TM9SF4: variants seen among roughly 807,000 people sequenced by gnomAD.
The protein encoded by TM9SF4 is transmembrane 9 superfamily member 4.
Under a neutral mutation model 90.4 loss-of-function variants are expected in TM9SF4, and 26 were observed. That is an observed-to-expected ratio of 0.29 (90% CI 0.21 to 0.40). The LOEUF (loss-of-function observed/expected upper bound fraction) is 0.40. Among genes scored for constraint, TM9SF4 ranks in the 10% least tolerant of loss-of-function variants. The probability of loss-of-function intolerance (pLI) is 1.00; values close to 1 mark genes in which losing one functional copy is unlikely to be tolerated. For synonymous variants in TM9SF4, 293 were observed against 315.4 expected (o/e 0.93, Z 0.75); for missense variants, 549 against 834.8 (o/e 0.66, Z 4.22).
intron 6 of TM9SF4, 126 bp downstream of exon 6, chr20:32,143,231 A>G: frequency 8.3e-7 from 1 of 1,201,680 alleles, no homozygotes; most frequent in Admixed American, 2.5e-5. Context: ...GGGCCCAGCC[A>G]AGGTAGGATC....
intron 4 of TM9SF4, 36 bp downstream of exon 4, chr20:32,141,701 A>T (rs776922937): frequency 1.9e-6 from 3 of 1,613,468 alleles, no homozygotes; most frequent in Middle Eastern, 1.6e-4. Context: ...CCTCAGGCTC[A>T]CACAGGGGAG....
intron 15 of TM9SF4, 39 bp from the exon 16 acceptor site, chr20:32,159,953 G>A (rs200784972): frequency 1.2e-6 from 2 of 1,613,604 alleles, no homozygotes; most frequent in East Asian, 4.5e-5. Context: ...AGGGGAGCAG[G>A]GTGGTCAAGC....
intron 17 of TM9SF4, among the ~76,000 whole-genome samples, chr20:32,161,592 TG>T (rs2047020058): frequency 6.6e-6 from 1 of 152,158 alleles, no homozygotes; most frequent in African/African-American, 2.4e-5. Context: ...TACGTGACAA[TG>T]TGAATAATGC....
intron 12 of TM9SF4, among the ~76,000 whole-genome samples, chr20:32,154,652 C>T (rs1397415311): frequency 6.6e-6 from 1 of 152,072 alleles, no homozygotes; most frequent in African/African-American, 2.4e-5. Context: ...GGAGTTTCGC[C>T]ATGTGGGCCA....
chr20:32,112,453 T>G (rs2046157222), intron 1 of TM9SF4, among the ~76,000 whole-genome samples: 1 of 151,852 alleles, frequency 6.6e-6, no homozygotes, highest in Non-Finnish European at 1.5e-5. Flanking sequence ...CTCAGAATTT[T>G]GGGAGGCTGA....
At chr20:32,150,582 C>G in intron 10 of TM9SF4, 40 bp from the exon 11 acceptor site, 1 of 1,612,600 alleles carries the variant, frequency 6.2e-7, no homozygotes, top group South Asian at 1.1e-5. Flanking sequence ...GATCAGCCAC[C>G]CTGCCTTTCT....
chr20:32,156,874 T>G (rs1393015878), intron 13 of TM9SF4, among the ~76,000 whole-genome samples: 2 of 151,834 alleles, frequency 1.3e-5, no homozygotes, highest in Non-Finnish European at 2.9e-5. Flanking sequence ...CCCAAAGTGC[T>G]GGGATTACAG....
intron 1 of TM9SF4, among the ~76,000 whole-genome samples, chr20:32,127,896 A>G (rs1479356885): frequency 6.6e-6 from 1 of 152,234 alleles, no homozygotes; most frequent in African/African-American, 2.4e-5. Flanking sequence ...CAAATCACCT[A>G]TCAGATGAGA....
At chr20:32,147,353 A>AT (rs1347929510) in intron 9 of TM9SF4, among the ~76,000 whole-genome samples, 1 of 152,204 alleles carries the variant, frequency 6.6e-6, no homozygotes, top group African/African-American at 2.4e-5. Context: ...AGTGATAGGG[A>AT]TGGCCTTTCT....
At chr20:32,116,967 C>T (rs1449854476) in intron 1 of TM9SF4, among the ~76,000 whole-genome samples, 1 of 138,768 alleles carries the variant, frequency 7.2e-6, no homozygotes, top group Non-Finnish European at 1.5e-5. Flanking sequence ...CACCTGTAAT[C>T]CCAGCACTTT....
intron 17 of TM9SF4, 38 bp downstream of exon 17, chr20:32,161,403 A>G: frequency 6.3e-7 from 1 of 1,579,672 alleles, no homozygotes; most frequent in Non-Finnish European, 8.7e-7. Flanking sequence ...TAGTCCTCAT[A>G]GGGTAGGAAG....
At chr20:32,112,523 C>G (rs1275066516) in intron 1 of TM9SF4, among the ~76,000 whole-genome samples, 1 of 151,982 alleles carries the variant, frequency 6.6e-6, no homozygotes, top group East Asian at 1.9e-4. Flanking sequence ...TGGCGAAACC[C>G]TGTCTTCTAA....
chr20:32,115,637 T>C (rs575894399), intron 1 of TM9SF4, among the ~76,000 whole-genome samples: 2 of 152,210 alleles, frequency 1.3e-5, no homozygotes, highest in African/African-American at 4.8e-5. Context: ...AATCCTCTTA[T>C]GCTTGGTCTG....
At chr20:32,127,991 A>G (rs926195572) in intron 1 of TM9SF4, among the ~76,000 whole-genome samples, 13 of 152,250 alleles carry the variant, frequency 8.5e-5, no homozygotes, top group Admixed American at 3.3e-4. Context: ...TCATACTTAC[A>G]TATAAGGGTT....
chr20:32,123,835 TTC>T (rs2046371748), intron 1 of TM9SF4, among the ~76,000 whole-genome samples: 3 of 135,438 alleles, frequency 2.2e-5, no homozygotes, highest in Admixed American at 7.6e-5. Context: ...AGCTCACGTG[TTC>T]TCTCTCTCAT....
At chr20:32,154,953 A>G (rs2046896814) in intron 12 of TM9SF4, 150 bp from the exon 13 acceptor site, 5 of 667,436 alleles carry the variant, frequency 7.5e-6, no homozygotes, top group Non-Finnish European at 1.4e-5. Context: ...GCTCAGTCTG[A>G]GGGTCAGGGA....
chr20:32,132,956 C>T lies in TM9SF4; in HGVS notation c.16-57C>T, dbSNP rs1218169815. Reference sequence around the variant, plus strand: ...GAAGGTGGTATGACTTGATCTGCCTCAGAGGATCTTCTTCACTTCTTCTCC... The same window carrying T: ...GAAGGTGGTATGACTTGATCTGCCTTAGAGGATCTTCTTCACTTCTTCTCC... On this transcript the variant is annotated intron_variant, in intron 1 of 17. Coordinates refer to ENST00000398022, the MANE Select transcript of TM9SF4 (RefSeq NM_014742.4). The T allele has an allele frequency of 6.0e-6, 9 of 1,512,562 alleles. No homozygotes were observed. In the East Asian group the frequency reaches 1.1e-4, roughly 19 times the overall value. The allele number at this position is 1,512,562 out of a possible 1,614,324, so 93.7% of individuals were successfully genotyped here.
chr20:32,137,278 C>G (rs1185872469), intron 3 of TM9SF4, among the ~76,000 whole-genome samples: 1 of 152,184 alleles, frequency 6.6e-6, no homozygotes, highest in Non-Finnish European at 1.5e-5. Flanking sequence ...CCCCGGGAAG[C>G]CTGACCCACT....
chr20:32,111,602 T>G (rs181688980), intron 1 of TM9SF4, among the ~76,000 whole-genome samples: 169 of 152,300 alleles, frequency 1.1e-3, no homozygotes, highest in African/African-American at 3.6e-3. Context: ...ATGTCACCAG[T>G]AGATGCTGTG....
Sources: gnomAD v4.1 joint callset for allele counts (sites outside exome capture counted in the v4.1 genomes callset) on GRCh38, gnomAD v4.1.1 for gene constraint, MANE v1.5 for transcripts, NCBI Gene and HGNC (gene_info 2026-07-23, HGNC 2026-07-21) for gene names.